The following ZNF831 variants were observed in gnomAD, a reference collection of about 807,000 sequenced individuals.
ZNF831 encodes chromosome 20 open reading frame 174.
A neutral mutation model predicts 95.8 loss-of-function variants in ZNF831; 59 were observed. The ratio of observed to expected loss-of-function variants is 0.62; its 90% CI spans 0.50 to 0.77. ZNF831 has a LOEUF of 0.77. ZNF831 is among the 30% of genes least tolerant of loss of function. The pLI is 0.00. For missense variants in ZNF831, 2,205 were observed against 2,164.0 expected (o/e 1.02, Z -0.38); for synonymous variants, 961 against 925.5 (o/e 1.04, Z -0.70).
intron 3 of ZNF831, among the ~76,000 whole-genome samples, chr20:59,202,435 T>C (rs1984604204): frequency 6.6e-6 from 1 of 151,922 alleles, no homozygotes; most frequent in Admixed American, 6.6e-5. Context: ...CTCTCACATA[T>C]GTTAACTTAT....
At chr20:59,230,261 G>C (rs1986652586) in intron 4 of ZNF831, among the ~76,000 whole-genome samples, 1 of 152,122 alleles carries the variant, frequency 6.6e-6, no homozygotes, top group Non-Finnish European at 1.5e-5. Context: ...ATTGTGGGGA[G>C]AAAACAGCTA....
rs1047775582 is a variant in ZNF831, at chr20:59,253,913, G to T, written c.4204G>T (p.Ala1402Ser). The change falls in exon 6 of 6, where the codon GCT becomes TCT. Residue 1402 changes from alanine to serine, a missense_variant. By Grantham distance (99) the Ala-to-Ser change is moderately conservative. Transcript: ENST00000371030. ...KRTVKDISPSAGEHGDCTTHS... is the reference protein window; with the variant it reads ...KRTVKDISPSSGEHGDCTTHS... The stretch of plus-strand genomic sequence containing the variant: ...TTTGTTGCAGGATATTTCTCCATCT[G>T]CTGGTGAGCATGGTGACTGTACTAC... The T allele has an allele frequency of 6.6e-7, 1 of 1,522,562 alleles. No homozygotes were observed. The highest frequency in any genetic ancestry group is 1.9e-5 in the Admixed American group (1 of 53,792). 94.3% of individuals were successfully genotyped at this position (1,522,562 alleles called of 1,614,324 possible). A position where few individuals can be genotyped will look rare whatever the true frequency, so the allele number is the denominator to read the frequency against.
At chr20:59,186,617 C>G (rs1331860583) in intron 1 of ZNF831, among the ~76,000 whole-genome samples, 1 of 152,174 alleles carries the variant, frequency 6.6e-6, no homozygotes, top group Non-Finnish European at 1.5e-5. Flanking sequence ...CTACTGGTCT[C>G]CTGGGGAGGT....
At chr20:59,139,543 C>T (rs929736915) in intron 1 of ZNF831, among the ~76,000 whole-genome samples, 1 of 152,056 alleles carries the variant, frequency 6.6e-6, no homozygotes, top group Non-Finnish European at 1.5e-5. Flanking sequence ...ACCAAATGAC[C>T]AGTGAACACA....
chr20:59,244,202 A>G (rs959288679), intron 4 of ZNF831, among the ~76,000 whole-genome samples: 1 of 152,156 alleles, frequency 6.6e-6, no homozygotes, highest in African/African-American at 2.4e-5. Flanking sequence ...ATTTAAAACT[A>G]TTACTGAGAG....
chr20:59,190,231 C>T (rs185034338), intron 1 of ZNF831, among the ~76,000 whole-genome samples: 1 of 152,280 alleles, frequency 6.6e-6, no homozygotes, highest in East Asian at 1.9e-4. Context: ...TACAGGATGC[C>T]CAGCCACATT....
intron 4 of ZNF831, among the ~76,000 whole-genome samples, chr20:59,241,190 C>G (rs954246020): frequency 3.9e-5 from 6 of 152,190 alleles, no homozygotes; most frequent in African/African-American, 1.4e-4. Context: ...CACGTCTCAG[C>G]TTCCAAGTTA....
chr20:59,151,887 G>A (rs1042315515), intron 2 of ZNF831, among the ~76,000 whole-genome samples: 5 of 152,184 alleles, frequency 3.3e-5, no homozygotes, highest in Non-Finnish European at 7.3e-5. Flanking sequence ...GCTGCAAGGG[G>A]AAGGTGTACA....
intron 5 of ZNF831, 22 bp from the exon 6 acceptor site, chr20:59,253,876 T>TTTTC: frequency 1.1e-6 from 1 of 932,734 alleles, no homozygotes; most frequent in African/African-American, 2.0e-5. Flanking sequence ...CCACTTTTTT[T>TTTTC]TTCCTTTGCA....
intron 1 of ZNF831, among the ~76,000 whole-genome samples, chr20:59,170,906 C>T (rs1216616078): frequency 1.3e-5 from 2 of 152,180 alleles, no homozygotes; most frequent in South Asian, 2.1e-4. Flanking sequence ...AGGTGGCAGG[C>T]AATCTACAAC....
At chr20:59,184,938 A>G (rs1190675815) in intron 1 of ZNF831, among the ~76,000 whole-genome samples, 3 of 152,080 alleles carry the variant, frequency 2.0e-5, no homozygotes, top group East Asian at 1.9e-4. Flanking sequence ...GTGGGGGGGA[A>G]TTGGGAGGAG....
At chr20:59,175,343 TCTC>T (rs1314048259) in intron 1 of ZNF831, among the ~76,000 whole-genome samples, 1 of 152,112 alleles carries the variant, frequency 6.6e-6, no homozygotes, top group African/African-American at 2.4e-5. Flanking sequence ...TTCTTTCTCT[TCTC>T]CTTCCCAGGC....
intron 3 of ZNF831, among the ~76,000 whole-genome samples, chr20:59,204,102 G>A (rs564505687): frequency 1.3e-5 from 2 of 152,348 alleles, no homozygotes; most frequent in African/African-American, 4.8e-5. Flanking sequence ...AAGATTGCAG[G>A]TTGTATGGGA....
intron 3 of ZNF831, among the ~76,000 whole-genome samples, chr20:59,198,981 A>G (rs1284695766): frequency 6.6e-6 from 1 of 152,054 alleles, no homozygotes; most frequent in African/African-American, 2.4e-5. Flanking sequence ...TACTCTGCCT[A>G]CCACACTGTT....
At chr20:59,128,906 C>T (rs1307079053) in intron 1 of ZNF831, among the ~76,000 whole-genome samples, 1 of 152,138 alleles carries the variant, frequency 6.6e-6, no homozygotes, top group Non-Finnish European at 1.5e-5. Flanking sequence ...GTATTATAGG[C>T]GCCCGCCACC....
At chr20:59,222,027 A>C (rs1333203951) in intron 4 of ZNF831, among the ~76,000 whole-genome samples, 2 of 152,050 alleles carry the variant, frequency 1.3e-5, no homozygotes, top group African/African-American at 2.4e-5. Context: ...AGTGCATTGG[A>C]GTCTGAATCA....
intron 2 of ZNF831, 187 bp from the exon 3 acceptor site, chr20:59,195,682 G>A (rs1568761158): frequency 2.4e-6 from 2 of 822,510 alleles, no homozygotes; most frequent in African/African-American, 1.9e-5. Flanking sequence ...GTTTCAGGAG[G>A]TTCTGTCCAG....
At chr20:59,226,727 C>T (rs1279608429) in intron 4 of ZNF831, among the ~76,000 whole-genome samples, 1 of 151,466 alleles carries the variant, frequency 6.6e-6, no homozygotes, top group Non-Finnish European at 1.5e-5. Flanking sequence ...TTTCTGCTCA[C>T]ATTTTGCAAA....
At chr20:59,198,889 G>T (rs1304607373) in intron 3 of ZNF831, among the ~76,000 whole-genome samples, 1 of 152,100 alleles carries the variant, frequency 6.6e-6, no homozygotes, top group East Asian at 1.9e-4. Context: ...CTCCTCACAT[G>T]GCTGGCTCCC....
Sources: gnomAD v4.1 joint callset for allele counts (sites outside exome capture counted in the v4.1 genomes callset) on GRCh38, gnomAD v4.1.1 for gene constraint, MANE v1.5 for transcripts, NCBI Gene and HGNC (gene_info 2026-07-23, HGNC 2026-07-21) for gene names.